Variants in ASCC3 observed in about 807,000 individuals in gnomAD.
ASCC3 encodes ASC-1 complex subunit P200.
Under a neutral mutation model 256.3 loss-of-function variants are expected in ASCC3, and 158 were observed. The observed-to-expected ratio is 0.62, with a 90% CI of 0.54 to 0.70. The LOEUF is 0.70. Ranked by LOEUF, ASCC3 falls within the 30% of genes least tolerant of loss-of-function variation. ASCC3 has a pLI of 0.00. For synonymous variants in ASCC3, 948 were observed against 883.4 expected, an observed-to-expected ratio of 1.07 and a Z score of -1.30; for missense variants, 2,259 against 2,626.0, an observed-to-expected ratio of 0.86 and a Z score of 3.05.
At chr6:100,865,787 T>C (rs925765665) in intron 2 of ASCC3, among the ~76,000 whole-genome samples, 4 of 152,154 alleles carry the variant, frequency 2.6e-5, no homozygotes, top group Non-Finnish European at 5.9e-5. Context: ...ATATACTATA[T>C]TACATGGTTC....
chr6:100,709,297 A>G (rs1225702903), intron 13 of ASCC3, among the ~76,000 whole-genome samples: 3 of 152,224 alleles, frequency 2.0e-5, no homozygotes, highest in Non-Finnish European at 2.9e-5. Flanking sequence ...ATAATCTTTA[A>G]TAACAGAAAA....
intron 20 of ASCC3, among the ~76,000 whole-genome samples, chr6:100,648,904 T>C (rs1775519517): frequency 2.0e-5 from 3 of 151,872 alleles, no homozygotes; most frequent in Admixed American, 2.0e-4. Context: ...CTATAACATG[T>C]ACAGTCTAGA....
intron 36 of ASCC3, among the ~76,000 whole-genome samples, chr6:100,546,050 T>C (rs1308642539): frequency 6.6e-6 from 1 of 152,194 alleles, no homozygotes; most frequent in Non-Finnish European, 1.5e-5. Context: ...AAAATAAGTT[T>C]GGCAAGGGTG....
At position 100,589,629 on chromosome 6, in the gene ASCC3, C is replaced by T. The variant is rs1771887692; in HGVS notation, c.5550+5G>A. 6.2e-7 allele frequency: 1 copy of T among 1,613,060 alleles called. No homozygotes were observed. The highest frequency in any genetic ancestry group is 1.3e-5 in the African/African-American group (1 of 74,882). On this transcript the variant is annotated splice_donor_5th_base_variant and intron_variant, in intron 36 of 41. Coordinates refer to ENST00000369162, the MANE Select transcript of ASCC3 (RefSeq NM_006828.4). ...GAGAAGATATGAAATATATGAAAAA[C>T]TCACACTTAGAATTGAAAGCAGTTC...
At chr6:100,545,976 A>T (rs1562108879) in intron 36 of ASCC3, among the ~76,000 whole-genome samples, 1 of 152,204 alleles carries the variant, frequency 6.6e-6, no homozygotes, top group Non-Finnish European at 1.5e-5. Flanking sequence ...GGAAAGGAAG[A>T]GGTACAACTA....
chr6:100,831,682 A>G (rs1771627179), intron 4 of ASCC3, among the ~76,000 whole-genome samples: 1 of 152,178 alleles, frequency 6.6e-6, no homozygotes, highest in African/African-American at 2.4e-5. Context: ...GTGAAGGGGG[A>G]AGCTTCAAAT....
intron 13 of ASCC3, 34 bp downstream of exon 13, chr6:100,715,428 T>A (rs775613861): frequency 6.4e-7 from 1 of 1,557,834 alleles, no homozygotes; most frequent in Non-Finnish European, 8.8e-7. Flanking sequence ...TAAAAGCAGA[T>A]AAATAAGTGT....
At chr6:100,850,134 C>T (rs1016868491) in intron 3 of ASCC3, among the ~76,000 whole-genome samples, 2 of 144,594 alleles carry the variant, frequency 1.4e-5, no homozygotes, top group African/African-American at 5.0e-5. Flanking sequence ...GGAAACATGA[C>T]TCCAGTATCA....
chr6:100,752,562 T>G (rs1398198582), intron 10 of ASCC3, among the ~76,000 whole-genome samples: 1 of 152,176 alleles, frequency 6.6e-6, no homozygotes, highest in Non-Finnish European at 1.5e-5. Flanking sequence ...AGTTACTTTG[T>G]CATCCTATGT....
chr6:100,534,721 A>G (rs1370445327), intron 37 of ASCC3, among the ~76,000 whole-genome samples: 3 of 152,224 alleles, frequency 2.0e-5, no homozygotes, highest in African/African-American at 7.2e-5. Context: ...CTCAAACCAA[A>G]AAATGACACA....
intron 36 of ASCC3, among the ~76,000 whole-genome samples, chr6:100,579,638 G>A (rs528233467): frequency 6.6e-6 from 1 of 152,104 alleles, no homozygotes; most frequent in South Asian, 2.1e-4. Context: ...TTAGATGGTT[G>A]TAGATGTGTT....
intron 10 of ASCC3, among the ~76,000 whole-genome samples, chr6:100,739,902 T>C (rs2115067114): frequency 6.6e-6 from 1 of 152,312 alleles, no homozygotes; most frequent in African/African-American, 2.4e-5. Context: ...TTCATTGATT[T>C]TTTGAAGGGT....
chr6:100,743,043 C>T lies in ASCC3; in HGVS notation c.1738-17340G>A, dbSNP rs536048425. 1.6e-3 allele frequency among the ~76,000 whole-genome samples: 244 copies of T among 152,338 alleles called. 1 individual carries two copies. Among genetic ancestry groups the T allele is most frequent in the Admixed American group, 4.6e-3 (70 of 15,308 alleles). On this transcript the variant is annotated intron_variant, in intron 10 of 41. Transcript: ENST00000369162. ...GAGTGGCTGCTCTGCCAAGACTCTG[C>T]ACAGCTCTGTGTATCAGACCCAAGG...
At chr6:100,690,413 C>T (rs569412804) in intron 13 of ASCC3, among the ~76,000 whole-genome samples, 5 of 152,114 alleles carry the variant, frequency 3.3e-5, no homozygotes, top group Admixed American at 3.3e-4. Context: ...AGGAAGCATC[C>T]TTACTTTGGA....
At position 100,711,032 on chromosome 6, in the gene ASCC3, T is replaced by C. The variant is rs531019911; in HGVS notation, c.2151+4430A>G. On this transcript the variant is annotated intron_variant, in intron 13 of 41. Coordinates refer to ENST00000369162, the MANE Select transcript of ASCC3 (RefSeq NM_006828.4). ...CTATGTTTATTTATGTGTTTATACA[T>C]GGCTACATTTATTTATCAATCTCAA... is the stretch of plus-strand genomic sequence containing the variant. Among the ~76,000 whole-genome samples the C allele has an allele frequency of 2.6e-5, 4 of 152,284 alleles. No homozygotes were observed. The East Asian group carries it at 5.8e-4, about 22-fold the overall frequency.
chr6:100,678,849 T>C (rs1233451685), intron 14 of ASCC3, among the ~76,000 whole-genome samples: 1 of 152,216 alleles, frequency 6.6e-6, no homozygotes, highest in Admixed American at 6.5e-5. Context: ...CTGGTATGTT[T>C]ATGTTCTGAC....
intron 36 of ASCC3, among the ~76,000 whole-genome samples, chr6:100,548,719 C>T (rs773082309): frequency 6.6e-6 from 1 of 151,836 alleles, no homozygotes; most frequent in Non-Finnish European, 1.5e-5. Flanking sequence ...AAGGAAAAGG[C>T]ATTCAAACTA....
chr6:100,803,058 C>G (rs1769999617), intron 5 of ASCC3, among the ~76,000 whole-genome samples: 1 of 151,988 alleles, frequency 6.6e-6, no homozygotes, highest in Admixed American at 6.6e-5. Context: ...ATTTAGGAGA[C>G]TGACAAAATG....
intron 30 of ASCC3, among the ~76,000 whole-genome samples, chr6:100,617,767 T>C (rs1003259202): frequency 2.0e-5 from 3 of 152,232 alleles, no homozygotes; most frequent in African/African-American, 4.8e-5. Flanking sequence ...GACACTGTCT[T>C]ACTATACTGG....
Sources: allele counts gnomAD v4.1 joint callset (sites outside exome capture counted in the v4.1 genomes callset), GRCh38; gene constraint gnomAD v4.1.1; transcripts MANE v1.5; gene names NCBI Gene and HGNC (gene_info 2026-07-23, HGNC 2026-07-21).